UFL1: variants seen among roughly 807,000 people sequenced by gnomAD.
UFL1 encodes the protein E3 UFM1-protein ligase 1.
Under a neutral mutation model 99.3 loss-of-function variants are expected in UFL1, and 78 were observed. The observed-to-expected ratio is 0.79, with a 90% CI of 0.65 to 0.95. UFL1 has a LOEUF of 0.95. Ranked by LOEUF, UFL1 falls within the 40% of genes least tolerant of loss-of-function variation. UFL1 has a pLI of 0.00. For synonymous variants in UFL1, 335 were observed against 322.2 expected, an observed-to-expected ratio of 1.04 and a Z score of -0.42; for missense variants, 936 against 937.0, an observed-to-expected ratio of 1.00 and a Z score of 0.01.
At chr6:96,531,582 T>G (rs533892649) in intron 6 of UFL1, among the ~76,000 whole-genome samples, 4 of 152,320 alleles carry the variant, frequency 2.6e-5, no homozygotes, top group Non-Finnish European at 5.9e-5. Flanking sequence ...AATGGGTGGT[T>G]GTTTCTGGGG....
chr6:96,531,743 T>G (rs907543425), intron 6 of UFL1, among the ~76,000 whole-genome samples: 5 of 152,258 alleles, frequency 3.3e-5, no homozygotes, highest in African/African-American at 9.6e-5. Context: ...TTTCTTTGAC[T>G]AATTATTGTG....
intron 13 of UFL1, 27 bp downstream of exon 13, chr6:96,548,308 T>A: frequency 7.2e-7 from 1 of 1,380,282 alleles, no homozygotes; most frequent in Non-Finnish European, 9.9e-7. Context: ...TTTTTTCTGT[T>A]TTATGGTAGA....
chr6:96,524,458 G>A (rs778741418), intron 3 of UFL1, 48 bp downstream of exon 3: 1 of 1,432,678 alleles, frequency 7.0e-7, no homozygotes, highest in South Asian at 1.3e-5. Flanking sequence ...TCAATTTTTT[G>A]ATACTGTGAA....
chr6:96,547,519 T>G (rs1427813347), intron 12 of UFL1, among the ~76,000 whole-genome samples: 1 of 151,604 alleles, frequency 6.6e-6, no homozygotes, highest in Non-Finnish European at 1.5e-5. Flanking sequence ...ACATATACTC[T>G]TATGTTCTTT....
chr6:96,537,905 C>T (rs1440468580), intron 9 of UFL1, among the ~76,000 whole-genome samples: 1 of 151,838 alleles, frequency 6.6e-6, no homozygotes, highest in Non-Finnish European at 1.5e-5. Context: ...TTAATCTCTG[C>T]TAATGTATTA....
chr6:96,542,378 G>GT (rs145405990), intron 11 of UFL1, among the ~76,000 whole-genome samples: 2,538 of 151,374 alleles, frequency 0.017, 60 homozygotes, highest in African/African-American at 0.058. Flanking sequence ...CTCTTCAGAA[G>GT]TTTATAATCT....
chr6:96,542,868 G>T lies in UFL1; in HGVS notation c.1280-26G>T, dbSNP rs527999060. ...AAAAATGATGATTTAGTTAGGTAAT[G>T]CTAACTAATGTCATTTTCCCACCAG... On this transcript the variant is annotated intron_variant, in intron 11 of 18. Coordinates refer to ENST00000369278, the MANE Select transcript of UFL1 (RefSeq NM_015323.5). The T allele has an allele frequency of 6.5e-6, 10 of 1,541,302 alleles. No individual in the cohort carries two copies. The South Asian group carries it at 1.3e-4, about 20-fold the overall frequency.
chr6:96,522,041 C>T (rs77958363), intron 1 of UFL1, 91 bp downstream of exon 1: 107,150 of 1,372,522 alleles, frequency 0.078, 4,759 homozygotes, highest in East Asian at 0.19. Flanking sequence ...GGCCCTGCAT[C>T]CCGGGTCTTC....
chr6:96,553,012 T>A (rs1770104440), intron 18 of UFL1, among the ~76,000 whole-genome samples: 1 of 152,106 alleles, frequency 6.6e-6, no homozygotes, highest in South Asian at 2.1e-4. Context: ...GGAACTTCCC[T>A]ATCCCTTTGA....
Position 96,548,282 on chromosome 6 carries a change from G to A in UFL1, c.1520+1G>A. 1 of 1,532,200 alleles carries A rather than the reference G, an allele frequency of 6.5e-7. No individual in the cohort carries two copies. 94.9% of individuals were successfully genotyped at this position (1,532,200 alleles called of 1,614,324 possible). A position where few individuals can be genotyped will look rare whatever the true frequency, so the allele number is the denominator to read the frequency against. On this transcript the variant is annotated splice_donor_variant, in intron 13 of 18. Transcript: ENST00000369278. LOFTEE classifies it high-confidence loss of function. ...CGGAACTTGCTGAGTACTTAATAAAGCAAGTATAAAATGTATTTTTTCTGT... is the reference window on the plus strand; with the variant it reads ...CGGAACTTGCTGAGTACTTAATAAAACAAGTATAAAATGTATTTTTTCTGT...
At chr6:96,528,902 A>G (rs575419184) in intron 6 of UFL1, among the ~76,000 whole-genome samples, 1 of 152,142 alleles carries the variant, frequency 6.6e-6, no homozygotes, top group African/African-American at 2.4e-5. Context: ...TGCAGTTTAA[A>G]TACTGCTGCC....
intron 15 of UFL1, among the ~76,000 whole-genome samples, chr6:96,550,391 C>G (rs78743228): frequency 6.6e-6 from 1 of 151,834 alleles, no homozygotes; most frequent in Non-Finnish European, 1.5e-5. Flanking sequence ...TTCTTCCTCA[C>G]CTCTCTAGGT....
intron 15 of UFL1, 85 bp downstream of exon 15, chr6:96,549,884 G>A: frequency 2.3e-5 from 34 of 1,496,250 alleles, no homozygotes; most frequent in South Asian, 9.7e-5. Context: ...GGAGTAAAGA[G>A]GAAAATAAAA....
intron 6 of UFL1, among the ~76,000 whole-genome samples, chr6:96,533,714 G>A (rs769576870): frequency 3.5e-5 from 5 of 142,726 alleles, no homozygotes; most frequent in Non-Finnish European, 6.1e-5. Context: ...TAGATTTCAT[G>A]TAATTTAAAT....
intron 15 of UFL1, among the ~76,000 whole-genome samples, chr6:96,550,917 AT>A (rs946213938): frequency 2.0e-5 from 3 of 152,004 alleles, no homozygotes; most frequent in Non-Finnish European, 4.4e-5. Context: ...CCAAAATTTT[AT>A]GCCAGAAGAA....
chr6:96,534,533 A>G (rs1237673492), intron 7 of UFL1, among the ~76,000 whole-genome samples: 2 of 151,754 alleles, frequency 1.3e-5, no homozygotes, highest in Non-Finnish European at 3.0e-5. Flanking sequence ...GAGGAGTATA[A>G]TGAAAAAAAA....
In UFL1 at chr6:96,525,318, CAT is replaced by C; in HGVS notation, c.277_278del (p.Ile93Ter). The C allele has an allele frequency of 6.2e-7, 1 of 1,607,362 alleles. No homozygotes were observed. ...CCAGGTAATTAATGTGGACCTGATT[CAT>C]ATTGAAAATAGAATTGGTGACATTA... The part of the protein sequence containing the change: ...LQQVINVDLI[H>X]IENRIGDIIK... On this transcript the variant is annotated frameshift_variant, in exon 4 of 19. Coordinates refer to ENST00000369278, the MANE Select transcript of UFL1 (RefSeq NM_015323.5). LOFTEE classifies it high-confidence loss of function.
intron 1 of UFL1, 98 bp from the exon 2 acceptor site, chr6:96,523,048 C>A: frequency 7.9e-7 from 1 of 1,259,734 alleles, no homozygotes; most frequent in Non-Finnish European, 1.1e-6. Context: ...AGTGACTAAA[C>A]AAACTTTTTA....
chr6:96,542,345 C>T (rs879526312), intron 11 of UFL1, among the ~76,000 whole-genome samples: 17 of 151,308 alleles, frequency 1.1e-4, no homozygotes, highest in Non-Finnish European at 1.9e-4. Context: ...AGAATATATA[C>T]ATTAATGACA....
Sources: gnomAD v4.1 joint callset for allele counts (sites outside exome capture counted in the v4.1 genomes callset) on GRCh38, gnomAD v4.1.1 for gene constraint, MANE v1.5 for transcripts, NCBI Gene and HGNC (gene_info 2026-07-23, HGNC 2026-07-21) for gene names.